ERP44: variants seen among roughly 807,000 people sequenced by gnomAD.
ERP44 encodes endoplasmic reticulum resident protein 44.
In ERP44, 25 loss-of-function variants were observed where a neutral mutation model predicts 53.4. The ratio of observed to expected loss-of-function variants is 0.47; its 90% CI spans 0.34 to 0.65. The LOEUF (loss-of-function observed/expected upper bound fraction) is 0.65. Among genes scored for constraint, ERP44 ranks in the 30% least tolerant of loss-of-function variants. The pLI is 0.01. For synonymous variants in ERP44, 145 were observed against 161.2 expected, an observed-to-expected ratio of 0.90 and a Z score of 0.76; for missense variants, 338 against 493.2, an observed-to-expected ratio of 0.69 and a Z score of 2.98.
intron 4 of ERP44, among the ~76,000 whole-genome samples, chr9:100,039,173 A>G (rs1825876595): frequency 6.6e-6 from 1 of 152,164 alleles, no homozygotes; most frequent in Non-Finnish European, 1.5e-5. Flanking sequence ...AACCTGCACT[A>G]TAAACCAAAT....
chr9:100,082,351 C>T (rs746956444), intron 1 of ERP44, among the ~76,000 whole-genome samples: 1 of 150,944 alleles, frequency 6.6e-6, no homozygotes, highest in African/African-American at 2.4e-5. Flanking sequence ...ACATTCAGCA[C>T]ATGTATCCCA....
intron 4 of ERP44, among the ~76,000 whole-genome samples, chr9:100,035,272 A>T (rs1291099739): frequency 6.6e-6 from 1 of 152,232 alleles, no homozygotes; most frequent in Non-Finnish European, 1.5e-5. Flanking sequence ...AAAACTACCA[A>T]GGAAGCAAAC....
At chr9:100,092,841 ACACT>A (rs1587987972) in intron 1 of ERP44, among the ~76,000 whole-genome samples, 2 of 152,230 alleles carry the variant, frequency 1.3e-5, no homozygotes, top group Admixed American at 6.5e-5. Flanking sequence ...GATTACAAAA[ACACT>A]CACTACTGAT....
At position 100,016,523 on chromosome 9, in the gene ERP44, G is replaced by A. The variant is rs545358682; in HGVS notation, c.646-85C>T. 3.0e-5 allele frequency: 43 copies of A among 1,433,510 alleles called. No individual in the cohort carries two copies. In the African/African-American group the frequency reaches 5.7e-4, roughly 19 times the overall value. The allele number at this position is 1,433,510 out of a possible 1,614,324, so 88.8% of individuals were successfully genotyped here. A position where few individuals can be genotyped will look rare whatever the true frequency, so the allele number is the denominator to read the frequency against. On this transcript the variant is annotated intron_variant, in intron 7 of 11. Coordinates refer to ENST00000262455, the MANE Select transcript of ERP44 (RefSeq NM_015051.3). ...ATTTTTTTTCTTTATATTTTTTAAA[G>A]CAAGGTCTCACTCTGTCACCCAGGC...
chr9:100,007,736 G>T, intron 8 of ERP44, 47 bp from the exon 9 acceptor site: 1 of 1,014,720 alleles, frequency 9.9e-7, no homozygotes, highest in Non-Finnish European at 1.6e-6. Context: ...TCTCCATTCA[G>T]TTGTAGCTAT....
intron 10 of ERP44, among the ~76,000 whole-genome samples, chr9:99,996,226 T>G (rs888056211): frequency 6.6e-6 from 1 of 152,154 alleles, no homozygotes; most frequent in Non-Finnish European, 1.5e-5. Flanking sequence ...TCATGGTAGT[T>G]GAGTTCTAGC....
chr9:100,072,126 T>TAA (rs1301033653), intron 1 of ERP44, among the ~76,000 whole-genome samples: 4 of 152,206 alleles, frequency 2.6e-5, no homozygotes, highest in Admixed American at 6.5e-5. Context: ...CAAACAGATT[T>TAA]ATCTTTCATT....
chr9:100,033,099 C>A (rs191875248), intron 4 of ERP44, among the ~76,000 whole-genome samples: 4 of 152,288 alleles, frequency 2.6e-5, no homozygotes, highest in Admixed American at 2.6e-4. Flanking sequence ...TACCTGATTT[C>A]TCCAGAATTT....
intron 10 of ERP44, among the ~76,000 whole-genome samples, chr9:99,997,827 C>A (rs1830329393): frequency 6.6e-6 from 1 of 152,060 alleles, no homozygotes; most frequent in African/African-American, 2.4e-5. Flanking sequence ...ATGGCTGACT[C>A]ACAAAGGTTG....
chr9:100,078,632 G>A (rs1285699589), intron 1 of ERP44, among the ~76,000 whole-genome samples: 1 of 151,902 alleles, frequency 6.6e-6, no homozygotes, highest in Non-Finnish European at 1.5e-5. Context: ...GCAGGCACCT[G>A]TGATCCCAGC....
chr9:100,054,084 G>A (rs533567876), intron 3 of ERP44, among the ~76,000 whole-genome samples: 1 of 152,258 alleles, frequency 6.6e-6, no homozygotes, highest in African/African-American at 2.4e-5. Context: ...AGACACATCT[G>A]TATCTTCAAT....
chr9:100,093,634 C>A (rs931137629), intron 1 of ERP44, among the ~76,000 whole-genome samples: 1 of 151,786 alleles, frequency 6.6e-6, no homozygotes, highest in South Asian at 2.1e-4. Flanking sequence ...CACAGCAAGA[C>A]CCTGTCTGTG....
intron 1 of ERP44, among the ~76,000 whole-genome samples, chr9:100,079,743 A>C (rs1826401451): frequency 6.6e-6 from 1 of 152,058 alleles, no homozygotes; most frequent in Admixed American, 6.6e-5. Flanking sequence ...AGACCAGCCT[A>C]GTCAGCACAG....
intron 8 of ERP44, among the ~76,000 whole-genome samples, chr9:100,010,671 G>A (rs1169634290): frequency 2.6e-5 from 4 of 152,114 alleles, no homozygotes; most frequent in Non-Finnish European, 5.9e-5. Flanking sequence ...GGAGTCTGAG[G>A]CGGGTGGATC....
rs1830139857 is a variant in ERP44, at chr9:99,980,683, A to G, written c.*1929T>C. On this transcript the variant is annotated 3_prime_UTR_variant, in exon 12 of 12. Coordinates refer to ENST00000262455, the MANE Select transcript of ERP44 (RefSeq NM_015051.3). ...TCCAGAAATTCTAGGCACTAGTGAT[A>G]CAGACATTAAATTTAGTTTCCTTGT... The G allele has an allele frequency of 6.6e-6, 1 of 152,230 alleles. No homozygotes were observed. The highest frequency in any genetic ancestry group is 1.5e-5 in the Non-Finnish European group (1 of 68,038). The allele number at this position is 152,230 out of a possible 1,614,324, so 9.4% of individuals were successfully genotyped here. A position where few individuals can be genotyped will look rare whatever the true frequency, so the allele number is the denominator to read the frequency against.
chr9:100,049,252 T>A (rs543638357), intron 4 of ERP44, among the ~76,000 whole-genome samples: 2 of 152,144 alleles, frequency 1.3e-5, no homozygotes, highest in East Asian at 3.9e-4. Context: ...CTAAAAATAT[T>A]TTTTTAAATT....
At chr9:100,095,833 A>G (rs1213925342) in intron 1 of ERP44, among the ~76,000 whole-genome samples, 1 of 152,184 alleles carries the variant, frequency 6.6e-6, no homozygotes, top group Non-Finnish European at 1.5e-5. Flanking sequence ...TGGAATCTAC[A>G]TATATTATTA....
chr9:100,053,556 T>C (rs1826058762), intron 3 of ERP44, among the ~76,000 whole-genome samples: 1 of 152,192 alleles, frequency 6.6e-6, no homozygotes. Flanking sequence ...TACAGCCTCC[T>C]ACTGCTCCTA....
At chr9:100,086,506 T>G (rs1826484888) in intron 1 of ERP44, among the ~76,000 whole-genome samples, 1 of 152,190 alleles carries the variant, frequency 6.6e-6, no homozygotes, top group Non-Finnish European at 1.5e-5. Context: ...ACGACTCCAT[T>G]CACTTAACAA....
Sources: gnomAD v4.1 joint callset for allele counts (sites outside exome capture counted in the v4.1 genomes callset) on GRCh38, gnomAD v4.1.1 for gene constraint, MANE v1.5 for transcripts, NCBI Gene and HGNC (gene_info 2026-07-23, HGNC 2026-07-21) for gene names.